The following HTR7 variants were observed in gnomAD, a reference collection of about 807,000 sequenced individuals.
HTR7 encodes the protein 5-HT-7.
In HTR7, 16 loss-of-function variants were observed where a neutral mutation model predicts 34.0. The observed-to-expected ratio is 0.47, with a 90% confidence interval of 0.32 to 0.71. HTR7 has a LOEUF of 0.71. Among genes scored for constraint, HTR7 ranks in the 30% least tolerant of loss-of-function variants. The probability of loss-of-function intolerance (pLI) is 0.04; values close to 1 mark genes in which losing one functional copy is unlikely to be tolerated. For missense variants in HTR7, 504 were observed against 625.5 expected (o/e 0.81, Z 2.07); for synonymous variants, 265 against 260.2 (o/e 1.02, Z -0.18).
At chr10:90,757,764 A>G (rs188550704) in intron 1 of HTR7, among the ~76,000 whole-genome samples, 1 of 152,318 alleles carries the variant, frequency 6.6e-6, no homozygotes, top group East Asian at 1.9e-4. Flanking sequence ...ACATGCTCCA[A>G]CAATAACAAC....
chr10:90,742,617 C>T, intron 3 of HTR7, 89 bp from the exon 4 acceptor site: 1 of 819,752 alleles, frequency 1.2e-6, no homozygotes, highest in Non-Finnish European at 2.0e-6. Flanking sequence ...TTAATTTTTA[C>T]AGCAGTCAGT....
intron 1 of HTR7, among the ~76,000 whole-genome samples, chr10:90,831,456 C>A (rs1846175437): frequency 6.6e-6 from 1 of 152,142 alleles, no homozygotes; most frequent in Non-Finnish European, 1.5e-5. Context: ...AGCTGCAAAT[C>A]TTCGCTGTGA....
At chr10:90,820,423 T>A (rs1298302851) in intron 1 of HTR7, among the ~76,000 whole-genome samples, 2 of 152,176 alleles carry the variant, frequency 1.3e-5, no homozygotes, top group Non-Finnish European at 2.9e-5. Context: ...AGACCACCAT[T>A]AGTGCTTAGT....
intron 2 of HTR7, among the ~76,000 whole-genome samples, chr10:90,748,029 C>G (rs970157180): frequency 2.0e-5 from 3 of 152,152 alleles, no homozygotes; most frequent in Middle Eastern, 3.2e-3. Flanking sequence ...TTTTCAGATC[C>G]CAAGAACCTA....
At chr10:90,800,752 C>T (rs1464583580) in intron 1 of HTR7, among the ~76,000 whole-genome samples, 1 of 152,154 alleles carries the variant, frequency 6.6e-6, no homozygotes, top group Non-Finnish European at 1.5e-5. Context: ...CACCCTTTCC[C>T]CTTTATAAGG....
intron 1 of HTR7, among the ~76,000 whole-genome samples, chr10:90,798,374 C>T (rs555282166): frequency 6.6e-6 from 1 of 152,324 alleles, no homozygotes; most frequent in South Asian, 2.1e-4. Context: ...CTAAGCCCCA[C>T]TTGCAGATAG....
intron 1 of HTR7, among the ~76,000 whole-genome samples, chr10:90,798,094 C>A (rs1845570053): frequency 6.6e-6 from 1 of 152,146 alleles, no homozygotes. Context: ...ATCAAAATGG[C>A]AAATAAATTT....
intron 1 of HTR7, among the ~76,000 whole-genome samples, chr10:90,818,255 C>A (rs1210407849): frequency 6.6e-6 from 1 of 152,148 alleles, no homozygotes; most frequent in Non-Finnish European, 1.5e-5. Flanking sequence ...CAAGAGTGGT[C>A]TTGATATAAA....
At chr10:90,823,404 T>C (rs1485799037) in intron 1 of HTR7, among the ~76,000 whole-genome samples, 1 of 152,234 alleles carries the variant, frequency 6.6e-6, no homozygotes, top group African/African-American at 2.4e-5. Flanking sequence ...CAGACTTGCA[T>C]AGAGCCTATT....
intron 1 of HTR7, among the ~76,000 whole-genome samples, chr10:90,780,486 G>A (rs576535139): frequency 2.0e-4 from 30 of 147,458 alleles, no homozygotes; most frequent in East Asian, 1.2e-3. Context: ...GCAGTGAGCC[G>A]AGATCGTGGC....
In HTR7 at chr10:90,857,570, G is replaced by A. The variant is rs1205738080; in HGVS notation, c.102C>T (p.Asp34=). The part of the protein sequence containing the change: ...VGRGLPDLSP[D]GGADPVAGSW... ...AGCCCGCGACCGGGTCGGCGCCACC[G>A]TCGGGGCTCAAGTCGGGCAGCCCGC... Residue 34 remains aspartate (D), a synonymous_variant, in exon 1 of 4, where the codon GAC becomes GAT. Transcript: ENST00000336152. The surrounding 1 kb of genome is among the most constrained non-coding windows in gnomAD (Gnocchi z 6.5). 1 of 1,595,596 alleles carries A rather than the reference G, an allele frequency of 6.3e-7. No individual in the cohort carries two copies. The highest frequency in any genetic ancestry group is 2.3e-5 in the East Asian group (1 of 44,150).
At chr10:90,841,415 T>C (rs1041176940) in intron 1 of HTR7, among the ~76,000 whole-genome samples, 1 of 152,136 alleles carries the variant, frequency 6.6e-6, no homozygotes, top group African/African-American at 2.4e-5. Flanking sequence ...CAAATGTGGG[T>C]CCCTGGACTA....
In HTR7 at chr10:90,749,516, G is replaced by C; in HGVS notation, c.618C>G (p.Val206=). 6.2e-7 allele frequency: 1 copy of C among 1,614,172 alleles called. No individual in the cohort carries two copies. Among genetic ancestry groups the C allele is most frequent in the Non-Finnish European group, 8.5e-7 (1 of 1,180,014 alleles). ...AGGTGATGGAGGCGGAGAGAAGCCAGACGGAGAGAATCATCTTCGCCATGC... is the reference window on the plus strand; with the variant it reads ...AGGTGATGGAGGCGGAGAGAAGCCACACGGAGAGAATCATCTTCGCCATGC... ...GKCMAKMILS[V]WLLSASITLP... Residue 206 remains valine, a synonymous_variant, in exon 2 of 4, where the codon GTC becomes GTG. Transcript: ENST00000336152. The surrounding 1 kb of genome is among the most constrained non-coding windows in gnomAD (Gnocchi z 4.2).
chr10:90,844,726 CAAAAAAAAAAAAAAAAAAAAAAAAAAAA>C (rs71025328), intron 1 of HTR7, among the ~76,000 whole-genome samples: 1 of 39,476 alleles, frequency 2.5e-5, no homozygotes, highest in Non-Finnish European at 5.0e-5. Context: ...GACTCCGTCT[CAAAAAAAAAAAAAAAAAAAAAAAAAAAA>C]AAAAAAAAAA....
chr10:90,750,940 A>T (rs926507255), intron 1 of HTR7, among the ~76,000 whole-genome samples: 1 of 152,104 alleles, frequency 6.6e-6, no homozygotes, highest in African/African-American at 2.4e-5. Flanking sequence ...GGTGTTGGGG[A>T]TAGGACAGTG....
At chr10:90,765,264 G>T (rs1845003305) in intron 1 of HTR7, among the ~76,000 whole-genome samples, 1 of 152,054 alleles carries the variant, frequency 6.6e-6, no homozygotes, top group African/African-American at 2.4e-5. Flanking sequence ...TTGATAGCTT[G>T]TATGTTTCTA....
chr10:90,776,819 C>T (rs1434671182), intron 1 of HTR7, among the ~76,000 whole-genome samples: 1 of 152,124 alleles, frequency 6.6e-6, no homozygotes, highest in Non-Finnish European at 1.5e-5. Context: ...ATAGAATTTT[C>T]TTTGCTGATT....
intron 1 of HTR7, among the ~76,000 whole-genome samples, chr10:90,755,144 T>C (rs963534148): frequency 5.9e-5 from 9 of 152,228 alleles, no homozygotes; most frequent in Non-Finnish European, 7.3e-5. Flanking sequence ...AAGGACTTTA[T>C]ACTTACCACA....
At chr10:90,750,292 C>G (rs930420354) in intron 1 of HTR7, among the ~76,000 whole-genome samples, 1 of 152,096 alleles carries the variant, frequency 6.6e-6, no homozygotes, top group Non-Finnish European at 1.5e-5. Context: ...TTAGGAGAAT[C>G]ACAAAACAAG....
Sources: allele counts gnomAD v4.1 joint callset (sites outside exome capture counted in the v4.1 genomes callset), GRCh38; gene constraint gnomAD v4.1.1; non-coding constraint Gnocchi (gnomAD v3.1); transcripts MANE v1.5; gene names NCBI Gene and HGNC (gene_info 2026-07-23, HGNC 2026-07-21).